Variants in PLXDC2 observed in about 807,000 individuals in gnomAD.
PLXDC2 encodes plexin domain containing 2, also known as plexin domain-containing protein 2.
A neutral mutation model predicts 68.9 loss-of-function variants in PLXDC2; 40 were observed. The ratio of observed to expected loss-of-function variants is 0.58; its 90% CI spans 0.45 to 0.76. The LOEUF (loss-of-function observed/expected upper bound fraction) is 0.76, where lower values mean the gene tolerates loss of function less well. Ranked by LOEUF, PLXDC2 falls within the 30% of genes least tolerant of loss-of-function variation. PLXDC2 has a pLI of 0.00. For missense variants in PLXDC2, 644 were observed against 661.9 expected (o/e 0.97, Z 0.30); for synonymous variants, 243 against 234.2 (o/e 1.04, Z -0.34).
intron 1 of PLXDC2, among the ~76,000 whole-genome samples, chr10:19,955,072 TGA>T (rs1453845775): frequency 5.1e-5 from 7 of 136,640 alleles, no homozygotes; most frequent in Admixed American, 3.6e-4. Context: ...TGCCTTTCAC[TGA>T]TTTTTTTTTT....
chr10:19,863,848 G>C (rs1368653377), intron 1 of PLXDC2, among the ~76,000 whole-genome samples: 4 of 151,972 alleles, frequency 2.6e-5, no homozygotes, highest in Non-Finnish European at 5.9e-5. Context: ...GAGGGAAAGA[G>C]TATTAGACTT....
intron 2 of PLXDC2, among the ~76,000 whole-genome samples, chr10:20,005,942 C>T (rs936066789): frequency 1.3e-5 from 2 of 152,188 alleles, no homozygotes; most frequent in Admixed American, 1.3e-4. Flanking sequence ...GTAATCCCAG[C>T]ACTTTGGTAG....
chr10:20,160,039 G>A (rs1834270090), intron 6 of PLXDC2, among the ~76,000 whole-genome samples: 1 of 152,152 alleles, frequency 6.6e-6, no homozygotes, highest in Admixed American at 6.5e-5. Flanking sequence ...TCTCTAGAAT[G>A]TAGGCTCTGT....
rs1835240086 is a variant in PLXDC2, at chr10:20,223,311, A to ATT, written c.1312+4209_1312+4210insTT. Among the ~76,000 whole-genome samples, 3 of 63,490 alleles carry ATT rather than the reference A, an allele frequency of 4.7e-5. 1 individual carries two copies. Among genetic ancestry groups the ATT allele is most frequent in the Non-Finnish European group, 1.1e-4 (3 of 26,548 alleles). 41.7% of individuals were successfully genotyped at this position (63,490 alleles called of 152,430 possible). On this transcript the variant is annotated intron_variant, in intron 12 of 13. Coordinates refer to ENST00000377252, the MANE Select transcript of PLXDC2 (RefSeq NM_032812.9). Reference sequence around the variant, plus strand: ...GTAGTCCTTCTCTTTCACAGAATTGAATTTTTTTTTTTTTTTTTTGAGATG... The same window carrying ATT: ...GTAGTCCTTCTCTTTCACAGAATTGATTATTTTTTTTTTTTTTTTTTGAGATG...
At chr10:20,118,219 T>C (rs1833648546) in intron 4 of PLXDC2, among the ~76,000 whole-genome samples, 1 of 152,146 alleles carries the variant, frequency 6.6e-6, no homozygotes, top group African/African-American at 2.4e-5. Flanking sequence ...TGAGTTTTTC[T>C]TTCAGTTTGC....
In PLXDC2 at chr10:20,002,173, A is replaced by G. The variant is rs558124624; in HGVS notation, c.324+187A>G. On this transcript the variant is annotated intron_variant, in intron 2 of 13. Transcript: ENST00000377252. ...CTTTACCATCCATTAATTCATTTAC[A>G]GACAAACACAGGCTTGGTGTGGTGA... Among the ~76,000 whole-genome samples the G allele has an allele frequency of 6.6e-5, 10 of 152,300 alleles. No individual in the cohort carries two copies. In the East Asian group the frequency reaches 1.9e-3, roughly 29 times the overall value.
chr10:19,942,825 A>G (rs1487516680), intron 1 of PLXDC2, among the ~76,000 whole-genome samples: 1 of 152,170 alleles, frequency 6.6e-6, no homozygotes, highest in East Asian at 1.9e-4. Flanking sequence ...TCTTCAAAAA[A>G]TACTCGAAAG....
intron 1 of PLXDC2, among the ~76,000 whole-genome samples, chr10:19,963,546 A>G (rs1027538700): frequency 6.6e-6 from 1 of 152,176 alleles, no homozygotes; most frequent in African/African-American, 2.4e-5. Context: ...AGGGGCATGG[A>G]TGAAACTGGA....
intron 1 of PLXDC2, among the ~76,000 whole-genome samples, chr10:19,859,212 A>T (rs1451412192): frequency 2.0e-5 from 3 of 152,116 alleles, no homozygotes; most frequent in Non-Finnish European, 4.4e-5. Flanking sequence ...AACATTGGGG[A>T]CCAGATTTCA....
At chr10:19,958,136 A>G (rs1354374555) in intron 1 of PLXDC2, among the ~76,000 whole-genome samples, 1 of 151,936 alleles carries the variant, frequency 6.6e-6, no homozygotes, top group Non-Finnish European at 1.5e-5. Context: ...TGTTGTTTCT[A>G]TGTATATTGC....
intron 4 of PLXDC2, among the ~76,000 whole-genome samples, chr10:20,079,279 G>T (rs1161525760): frequency 6.6e-6 from 1 of 152,180 alleles, no homozygotes; most frequent in Non-Finnish European, 1.5e-5. Flanking sequence ...GGTCATTAGA[G>T]AAATGCAAAT....
At position 20,044,122 on chromosome 10, in the gene PLXDC2, T is replaced by TCCTTCCTC. The variant is rs71388894; in HGVS notation, c.325-2744_325-2743insTCCTCCCT. On this transcript the variant is annotated intron_variant, in intron 2 of 13. Coordinates refer to ENST00000377252, the MANE Select transcript of PLXDC2 (RefSeq NM_032812.9). ...TTCCTTCCTTCCTTCCTTCCTTCCT[T>TCCTTCCTC]CCTCCCTCCCTCCCTCTCTCTCTTT... Among the ~76,000 whole-genome samples, 27 of 99,778 alleles carry TCCTTCCTC rather than the reference T, an allele frequency of 2.7e-4. 3 individuals are homozygous for TCCTTCCTC. Among genetic ancestry groups the TCCTTCCTC allele is most frequent in the East Asian group, 1.6e-3 (5 of 3,144 alleles). 65.5% of individuals were successfully genotyped at this position (99,778 alleles called of 152,430 possible). A position where few individuals can be genotyped will look rare whatever the true frequency, so the allele number is the denominator to read the frequency against.
In PLXDC2 at chr10:20,279,685, T is replaced by C. The variant is rs1257900411; in HGVS notation, c.1474-18T>C. ...TTACCCTGACGCACATTTTTTATTTTTGTGTTTTCTGTTTCAGAGACGCCC... is the reference window on the plus strand; with the variant it reads ...TTACCCTGACGCACATTTTTTATTTCTGTGTTTTCTGTTTCAGAGACGCCC... On this transcript the variant is annotated intron_variant, in intron 13 of 13. Coordinates refer to ENST00000377252, the MANE Select transcript of PLXDC2 (RefSeq NM_032812.9). The C allele has an allele frequency of 1.2e-6, 2 of 1,606,616 alleles. No individual in the cohort carries two copies. The highest frequency in any genetic ancestry group is 8.5e-7 in the Non-Finnish European group (1 of 1,174,058).
chr10:19,868,906 A>T (rs1410765738), intron 1 of PLXDC2, among the ~76,000 whole-genome samples: 1 of 152,202 alleles, frequency 6.6e-6, no homozygotes, highest in Non-Finnish European at 1.5e-5. Context: ...AAAATATGTA[A>T]GATATTTTTA....
intron 7 of PLXDC2, among the ~76,000 whole-genome samples, chr10:20,171,005 A>G (rs951996191): frequency 2.0e-5 from 3 of 152,124 alleles, no homozygotes; most frequent in Non-Finnish European, 4.4e-5. Flanking sequence ...TTTATTAAAT[A>G]ACAAATTTTC....
intron 1 of PLXDC2, among the ~76,000 whole-genome samples, chr10:19,984,644 G>A (rs1447063727): frequency 1.3e-5 from 2 of 152,120 alleles, no homozygotes; most frequent in Non-Finnish European, 2.9e-5. Flanking sequence ...ACTGATGGTG[G>A]GACCTCAGAC....
At position 20,186,573 on chromosome 10, in the gene PLXDC2, C is replaced by T. The variant is rs548512879; in HGVS notation, c.1061+9164C>T. ...TGATCCTCTCCATCCTCCCACCCTC[C>T]GCCCTCTGGTAGGCCTCAGTATGTG... On this transcript the variant is annotated intron_variant, in intron 9 of 13. Coordinates refer to ENST00000377252, the MANE Select transcript of PLXDC2 (RefSeq NM_032812.9). Among the ~76,000 whole-genome samples, 8 of 152,008 alleles carry T rather than the reference C, an allele frequency of 5.3e-5. No individual in the cohort carries two copies. The South Asian group carries it at 8.3e-4, about 16-fold the overall frequency.
At chr10:19,945,926 C>G (rs542032714) in intron 1 of PLXDC2, among the ~76,000 whole-genome samples, 1 of 152,160 alleles carries the variant, frequency 6.6e-6, no homozygotes, top group Non-Finnish European at 1.5e-5. Flanking sequence ...TTTTCACACC[C>G]GCTTCCAAAT....
At chr10:19,897,537 G>A (rs1221895481) in intron 1 of PLXDC2, among the ~76,000 whole-genome samples, 4 of 152,126 alleles carry the variant, frequency 2.6e-5, no homozygotes, top group Non-Finnish European at 5.9e-5. Flanking sequence ...GAGCCACCAC[G>A]CCGGGCCAAT....
Sources: allele counts gnomAD v4.1 joint callset (sites outside exome capture counted in the v4.1 genomes callset), GRCh38; gene constraint gnomAD v4.1.1; transcripts MANE v1.5; gene names NCBI Gene and HGNC (gene_info 2026-07-23, HGNC 2026-07-21).